Variants in NFATC3 observed in about 807,000 individuals in gnomAD.
The protein encoded by NFATC3 is nuclear factor of activated T-cells, cytoplasmic 3.
A neutral mutation model predicts 98.6 loss-of-function variants in NFATC3; 46 were observed. That is an observed-to-expected ratio of 0.47 (90% CI 0.37 to 0.60). The LOEUF is 0.60. NFATC3 is among the 20% of genes least tolerant of loss of function. NFATC3 has a pLI of 0.00. For missense variants in NFATC3, 1,256 were observed against 1,295.5 expected, an observed-to-expected ratio of 0.97 and a Z score of 0.47; for synonymous variants, 512 against 472.2, an observed-to-expected ratio of 1.08 and a Z score of -1.09.
intron 9 of NFATC3, among the ~76,000 whole-genome samples, chr16:68,222,171 TA>T (rs1411947458): frequency 1.3e-5 from 2 of 150,758 alleles, no homozygotes; most frequent in African/African-American, 2.4e-5. Flanking sequence ...ATAGGCGTAG[TA>T]GCACATGCCT....
At chr16:68,138,541 G>A (rs971933797) in intron 3 of NFATC3, 25 of 1,287,602 alleles carry the variant, frequency 1.9e-5, no homozygotes, top group East Asian at 5.6e-5. Context: ...TTTTGATGTC[G>A]TCTTTGATGC....
intron 9 of NFATC3, among the ~76,000 whole-genome samples, chr16:68,216,440 GTTTGTC>G (rs1360545675): frequency 1.3e-5 from 2 of 151,988 alleles, no homozygotes; most frequent in African/African-American, 4.8e-5. Flanking sequence ...GAGATTTAAT[GTTTGTC>G]TTTGTAGAAT....
intron 5 of NFATC3, among the ~76,000 whole-genome samples, chr16:68,170,781 C>A (rs2039423483): frequency 6.6e-6 from 1 of 152,162 alleles, no homozygotes; most frequent in African/African-American, 2.4e-5. Flanking sequence ...GCGTAAGCCA[C>A]TGCGCCCGGC....
chr16:68,130,940 G>A (rs758215529), intron 3 of NFATC3, among the ~76,000 whole-genome samples: 6 of 152,074 alleles, frequency 3.9e-5, no homozygotes, highest in Non-Finnish European at 8.8e-5. Context: ...CACCTTTGTC[G>A]AAAATGAGTT....
Position 68,182,056 on chromosome 16 carries a change from C to G in NFATC3, c.1971+526C>G, listed in dbSNP as rs190509668. ...CTTATTGTATATAGGGAAGGAGAAA[C>G]TAGAAATGAAAGATCATCAGAAGGT... is the stretch of plus-strand genomic sequence containing the variant. On this transcript the variant is annotated intron_variant, in intron 7 of 9. Transcript: ENST00000346183. Among the ~76,000 whole-genome samples the G allele has an allele frequency of 1.6e-4, 24 of 152,152 alleles. No homozygotes were observed. The East Asian group carries it at 4.6e-3, about 29-fold the overall frequency.
intron 8 of NFATC3, among the ~76,000 whole-genome samples, chr16:68,183,707 A>G (rs1459977736): frequency 6.6e-6 from 1 of 152,160 alleles, no homozygotes; most frequent in Non-Finnish European, 1.5e-5. Context: ...CCTTAGCACC[A>G]TAAAAAGGCA....
At chr16:68,101,598 C>A (rs995925632) in intron 1 of NFATC3, among the ~76,000 whole-genome samples, 2 of 151,656 alleles carry the variant, frequency 1.3e-5, no homozygotes, top group African/African-American at 4.8e-5. Context: ...ATTCTCTTGT[C>A]TCAGCCTCCC....
At chr16:68,204,399 T>G (rs2041054896) in intron 9 of NFATC3, among the ~76,000 whole-genome samples, 1 of 152,196 alleles carries the variant, frequency 6.6e-6, no homozygotes. Flanking sequence ...TGGTTACTGT[T>G]TCTTGATAAA....
At chr16:68,096,348 G>A (rs555278250) in intron 1 of NFATC3, among the ~76,000 whole-genome samples, 3 of 152,182 alleles carry the variant, frequency 2.0e-5, no homozygotes, top group Non-Finnish European at 4.4e-5. Context: ...GGATAAAATA[G>A]AAGAATATGT....
rs1598346260 is a variant in NFATC3, at chr16:68,094,672, A to G, written c.103+8888A>G. Among the ~76,000 whole-genome samples the G allele has an allele frequency of 3.3e-5, 5 of 152,324 alleles. No individual in the cohort carries two copies. The South Asian group carries it at 1.0e-3, about 32-fold the overall frequency. Reference sequence around the variant, plus strand: ...GCAAAGGCAAGAAAGCTCTTTTGTCATACATGTTACCTAGTAAATGTTGGC... The same window carrying G: ...GCAAAGGCAAGAAAGCTCTTTTGTCGTACATGTTACCTAGTAAATGTTGGC... On this transcript the variant is annotated intron_variant, in intron 1 of 9. Coordinates refer to ENST00000346183, the MANE Select transcript of NFATC3 (RefSeq NM_173165.3).
intron 2 of NFATC3, among the ~76,000 whole-genome samples, chr16:68,123,721 C>T (rs896363288): frequency 1.3e-5 from 2 of 151,852 alleles, no homozygotes; most frequent in African/African-American, 4.8e-5. Context: ...ATTTGGGGGC[C>T]AGGCGTGGTG....
Position 68,164,615 on chromosome 16 carries a change from C to T in NFATC3, c.1602-2228C>T, listed in dbSNP as rs574294553. ...CTTGATTTAAAATGGCATGGTGGCT[C>T]ATGCCTGTAATCCCAGCTCTTTGGG... On this transcript the variant is annotated intron_variant, in intron 4 of 9. Coordinates refer to ENST00000346183, the MANE Select transcript of NFATC3 (RefSeq NM_173165.3). Among the ~76,000 whole-genome samples, 229 of 152,248 alleles carry T rather than the reference C, an allele frequency of 1.5e-3. 1 individual carries two copies. The Middle Eastern group carries it at 0.017, about 11-fold the overall frequency.
intron 4 of NFATC3, among the ~76,000 whole-genome samples, chr16:68,162,327 C>CT (rs2038932409): frequency 1.3e-5 from 2 of 152,176 alleles, no homozygotes; most frequent in Admixed American, 1.3e-4. Flanking sequence ...CTAGGATAAA[C>CT]TAGTATCCTA....
rs1480964090 is a variant in NFATC3, at chr16:68,226,897, CAAAAAAAAAAAAAAAAAAAAAAAAAAG to C, written c.*436_*462del. On this transcript the variant is annotated 3_prime_UTR_variant, in exon 10 of 10. Transcript: ENST00000346183. The stretch of plus-strand genomic sequence containing the variant: ...AACTTTTGATAAGACCTTCTAGAAG[CAAAAAAAAAAAAAAAAAAAAAAAAAAG>C]AAAAAAAAAGAAAAGAAAAAAAGAA... 6.6e-5 allele frequency: 2 copies of C among 30,332 alleles called. No individual in the cohort carries two copies. Among genetic ancestry groups the C allele is most frequent in the African/African-American group, 2.9e-4 (2 of 6,846 alleles). The allele number at this position is 30,332 out of a possible 1,614,324, so 1.9% of individuals were successfully genotyped here. A position where few individuals can be genotyped will look rare whatever the true frequency, so the allele number is the denominator to read the frequency against.
At chr16:68,140,043 C>T (rs1006728824) in intron 3 of NFATC3, among the ~76,000 whole-genome samples, 3 of 152,166 alleles carry the variant, frequency 2.0e-5, no homozygotes, top group Non-Finnish European at 2.9e-5. Context: ...GTCACCCAGG[C>T]TGGAGTACAG....
At chr16:68,176,557 G>A (rs1221777341) in intron 6 of NFATC3, among the ~76,000 whole-genome samples, 1 of 152,068 alleles carries the variant, frequency 6.6e-6, no homozygotes, top group Non-Finnish European at 1.5e-5. Context: ...TTTTGGCACT[G>A]CTGTACCTGG....
chr16:68,199,025 CA>C (rs1335955365), intron 9 of NFATC3, among the ~76,000 whole-genome samples: 1 of 150,150 alleles, frequency 6.7e-6, no homozygotes, highest in Non-Finnish European at 1.5e-5. Flanking sequence ...TCCAGCCTGG[CA>C]ACAGAGCGAG....
At chr16:68,167,146 C>A in intron 5 of NFATC3, 131 bp downstream of exon 5, 1 of 904,434 alleles carries the variant, frequency 1.1e-6, no homozygotes, top group African/African-American at 1.7e-5. Context: ...TTGATTTTCT[C>A]ATGTGGAAAT....
intron 3 of NFATC3, among the ~76,000 whole-genome samples, chr16:68,154,657 G>A (rs974342581): frequency 6.6e-6 from 1 of 152,134 alleles, no homozygotes; most frequent in East Asian, 1.9e-4. Flanking sequence ...ATCAAGTCAA[G>A]TAACATGAAG....
Sources: gnomAD v4.1 joint callset for allele counts (sites outside exome capture counted in the v4.1 genomes callset) on GRCh38, gnomAD v4.1.1 for gene constraint, MANE v1.5 for transcripts, NCBI Gene and HGNC (gene_info 2026-07-23, HGNC 2026-07-21) for gene names.